The following PINK1 variants were observed in gnomAD, a reference collection of about 807,000 sequenced individuals.
PINK1 encodes the protein PTEN induced kinase 1.
PINK1 carries 58 observed loss-of-function variants against 56.0 expected under a neutral mutation model. That is an observed-to-expected ratio of 1.04 (90% CI 0.84 to 1.29). PINK1 has a LOEUF of 1.29. PINK1 is among the 50% of genes most tolerant of loss of function. PINK1 has a pLI of 0.00. For missense variants in PINK1, 745 were observed against 777.9 expected (o/e 0.96, Z 0.50); for synonymous variants, 354 against 339.3 (o/e 1.04, Z -0.48).
intron 6 of PINK1, 82 bp downstream of exon 6, chr1:20,648,714 T>G (rs1049951015): frequency 1.3e-6 from 2 of 1,581,050 alleles, no homozygotes; most frequent in Non-Finnish European, 1.7e-6. Flanking sequence ...TGCCTTGTGA[T>G]AACCCAACAC....
At chr1:20,644,804 A>C (rs1051761437) in intron 4 of PINK1, 132 bp downstream of exon 4, 2 of 1,214,952 alleles carry the variant, frequency 1.6e-6, no homozygotes, top group African/African-American at 3.0e-5. Context: ...GAAGAAAGCC[A>C]TGCAAAGGGA....
intron 7 of PINK1, chr1:20,650,125 G>T (rs2053247061): frequency 2.2e-6 from 1 of 445,874 alleles, no homozygotes; most frequent in Admixed American, 3.4e-5. Flanking sequence ...TGAAATGATA[G>T]AGGAGACTAC....
At chr1:20,648,772 CT>C (rs2053220064) in intron 6 of PINK1, 140 bp downstream of exon 6, 2 of 1,448,984 alleles carry the variant, frequency 1.4e-6, no homozygotes, top group South Asian at 1.2e-5. Flanking sequence ...TTCCCTGCCA[CT>C]TTGCTTTCCT....
At chr1:20,644,896 G>A (rs190078867) in intron 4 of PINK1, among the ~76,000 whole-genome samples, 97 of 152,330 alleles carry the variant, frequency 6.4e-4, no homozygotes, top group African/African-American at 2.3e-3. Context: ...GAACATACTT[G>A]TCACCTAGTC....
intron 3 of PINK1, among the ~76,000 whole-genome samples, chr1:20,640,489 C>T (rs1276321269): frequency 6.6e-6 from 1 of 152,076 alleles, no homozygotes; most frequent in African/African-American, 2.4e-5. Context: ...TATGCTTGGG[C>T]TGAGGGAGCC....
intron 3 of PINK1, among the ~76,000 whole-genome samples, chr1:20,644,143 A>G (rs1570403550): frequency 2.0e-5 from 3 of 152,152 alleles, no homozygotes; most frequent in Non-Finnish European, 2.9e-5. Context: ...GGCTACTGCA[A>G]CTCAGCCAAG....
In PINK1 at chr1:20,650,432, A is replaced by G. The variant is rs778495491; in HGVS notation, c.1489-2A>G. ...TAGCTACAGCTTCCCTTCCTGTTGC[A>G]GAGACCATCTGCCCGAGTAGCCGCA... On this transcript the variant is annotated splice_acceptor_variant, in intron 7 of 7. Transcript: ENST00000321556. LOFTEE classifies it high-confidence loss of function. 2 of 1,613,884 alleles carry G rather than the reference A, an allele frequency of 1.2e-6. No individual in the cohort carries two copies. The highest frequency in any genetic ancestry group is 2.2e-5 in the East Asian group (1 of 44,882).
At chr1:20,650,264 G>C in intron 7 of PINK1, 170 bp from the exon 8 acceptor site, 1 of 844,692 alleles carries the variant, frequency 1.2e-6, no homozygotes, top group Non-Finnish European at 1.9e-6. Context: ...TTGGAGCACG[G>C]GCAGGGGACA....
chr1:20,651,023 G>A lies in PINK1; in HGVS notation c.*332G>A, dbSNP rs1193038395. 2 of 398,450 alleles carry A rather than the reference G, an allele frequency of 5.0e-6. No homozygotes were observed. Among genetic ancestry groups the A allele is most frequent in the African/African-American group, 2.0e-5 (1 of 48,894 alleles). 24.7% of individuals were successfully genotyped at this position (398,450 alleles called of 1,614,324 possible). A position where few individuals can be genotyped will look rare whatever the true frequency, so the allele number is the denominator to read the frequency against. ...TGGCTGTGACCTTTGCCCCTAACACGAGGAACTCGTTTGAAGGGGGCAGCG... is the reference window on the plus strand; with the variant it reads ...TGGCTGTGACCTTTGCCCCTAACACAAGGAACTCGTTTGAAGGGGGCAGCG... On this transcript the variant is annotated 3_prime_UTR_variant, in exon 8 of 8. Transcript: ENST00000321556.
chr1:20,643,601 C>G (rs918146892), intron 3 of PINK1, among the ~76,000 whole-genome samples: 1 of 152,230 alleles, frequency 6.6e-6, no homozygotes, highest in Non-Finnish European at 1.5e-5. Flanking sequence ...GGGACTCTGT[C>G]TTGTTCTGTG....
chr1:20,649,246 G>T lies in PINK1; in HGVS notation c.1488+15G>T. Reference sequence around the variant, plus strand: ...AGGCCAGCAAGGTGAGGCTGTCCCCGGCTTCGAGGGGACGGTGTGGGTAGA... The same window carrying T: ...AGGCCAGCAAGGTGAGGCTGTCCCCTGCTTCGAGGGGACGGTGTGGGTAGA... On this transcript the variant is annotated intron_variant, in intron 7 of 7. Transcript: ENST00000321556. 1 of 1,611,498 alleles carries T rather than the reference G, an allele frequency of 6.2e-7. No individual in the cohort carries two copies.
rs138536161 is a variant in PINK1 at position 20,647,660 on chromosome 1, G to C, written c.1124-845G>C. Among the ~76,000 whole-genome samples the C allele has an allele frequency of 1.3e-4, 20 of 151,062 alleles. No individual in the cohort carries two copies. In the East Asian group the frequency reaches 3.9e-3, roughly 30 times the overall value. ...TGATTTTTGTATTTTTAGTAGAGAC[G>C]GGGTTTCACCATGTTGGTCAGGCTG... is the stretch of plus-strand genomic sequence containing the variant. On this transcript the variant is annotated intron_variant, in intron 5 of 7. Coordinates refer to ENST00000321556, the MANE Select transcript of PINK1 (RefSeq NM_032409.3).
rs1316370276 is a variant in PINK1 at position 20,644,547 on chromosome 1, C to T, written c.834C>T (p.Leu278=). 2 of 1,614,124 alleles carry T rather than the reference C, an allele frequency of 1.2e-6. No individual in the cohort carries two copies. Among genetic ancestry groups the T allele is most frequent in the African/African-American group, 1.3e-5 (1 of 74,938 alleles). The change falls in exon 4 of 8, where the codon CTC becomes CTT. Residue 278 remains leucine (L), a synonymous_variant. Coordinates refer to ENST00000321556, the MANE Select transcript of PINK1 (RefSeq NM_032409.3). ...LAPHPNIIRV[L]RAFTSSVPLL... is the part of the protein sequence containing the mutation. ...CTCACCCCAACATCATCCGGGTTCT[C>T]CGCGCCTTCACCTCTTCCGTGCCGC... is the stretch of plus-strand genomic sequence containing the variant.
chr1:20,634,421 A>G (rs2053034705), intron 1 of PINK1, among the ~76,000 whole-genome samples: 1 of 152,234 alleles, frequency 6.6e-6, no homozygotes, highest in Non-Finnish European at 1.5e-5. Flanking sequence ...AACCGCAGTA[A>G]AAACTATGAA....
intron 5 of PINK1, among the ~76,000 whole-genome samples, chr1:20,647,564 G>A (rs1384461157): frequency 6.9e-6 from 1 of 144,218 alleles, no homozygotes; most frequent in East Asian, 2.1e-4. Context: ...CCTGCCTATC[G>A]GGTTCAAGCA....
chr1:20,634,063 T>A (rs1430464012), intron 1 of PINK1, 128 bp downstream of exon 1: 1 of 1,108,142 alleles, frequency 9.0e-7, no homozygotes, highest in Non-Finnish European at 1.3e-6. Context: ...GAGGCGAGGG[T>A]CCTTAAAGCT....
intron 5 of PINK1, among the ~76,000 whole-genome samples, chr1:20,646,036 GGCTTGCTTGA>G (rs2154533883): frequency 6.6e-6 from 1 of 152,202 alleles, no homozygotes; most frequent in Admixed American, 6.5e-5. Context: ...CACTTTGGGA[GGCTTGCTTGA>G]GGATTGCTTG....
chr1:20,637,870 G>A lies in PINK1; in HGVS notation c.416G>A (p.Gly139Glu). ...QAIFTQKSKP[G>E]PDPLDTRRLQ... ...ATTTTTACCCAGAAAAGCAAGCCGG[G>A]GCCTGACCCGTTGGACACGAGACGC... The change falls in exon 2 of 8, where the codon GGG becomes GAG. Residue 139 changes from glycine (G) to glutamate (E), a missense_variant. Gly to Glu is a moderately conservative substitution (Grantham distance 98). Transcript: ENST00000321556. The A allele has an allele frequency of 6.2e-7, 1 of 1,614,170 alleles. No individual in the cohort carries two copies. Among genetic ancestry groups the A allele is most frequent in the South Asian group, 1.1e-5 (1 of 91,078 alleles).
intron 2 of PINK1, chr1:20,638,920 T>C (rs1158815599): frequency 1.3e-5 from 2 of 152,368 alleles, no homozygotes; most frequent in African/African-American, 2.4e-5. Context: ...GCTCAGAGGC[T>C]TGCATGTCAA....
Sources: allele counts gnomAD v4.1 joint callset (sites outside exome capture counted in the v4.1 genomes callset), GRCh38; gene constraint gnomAD v4.1.1; transcripts MANE v1.5; gene names NCBI Gene and HGNC (gene_info 2026-07-23, HGNC 2026-07-21).